The following SUCLG2 variants were observed in gnomAD, a reference collection of about 807,000 sequenced individuals.
SUCLG2 encodes the protein succinate-CoA ligase GDP-forming subunit beta, also known as succinate--CoA ligase [GDP-forming] subunit beta, mitochondrial.
SUCLG2 carries 42 observed loss-of-function variants against 47.9 expected under a neutral mutation model. The ratio of observed to expected loss-of-function variants is 0.88; its 90% CI spans 0.69 to 1.14. The LOEUF is 1.14. Among genes scored for constraint, SUCLG2 ranks in the 50% most tolerant of loss-of-function variants. SUCLG2 has a pLI of 0.00. For missense variants in SUCLG2, 571 were observed against 525.9 expected (o/e 1.09, Z -0.84); for synonymous variants, 195 against 197.3 (o/e 0.99, Z 0.10).
At chr3:67,477,054 A>G (rs1704781056) in intron 9 of SUCLG2, among the ~76,000 whole-genome samples, 2 of 152,054 alleles carry the variant, frequency 1.3e-5, no homozygotes, top group South Asian at 2.1e-4. Flanking sequence ...ATCTACAAAT[A>G]TATGTAAATT....
At chr3:67,393,799 G>A (rs1169551720) in intron 10 of SUCLG2, among the ~76,000 whole-genome samples, 2 of 152,116 alleles carry the variant, frequency 1.3e-5, no homozygotes, top group African/African-American at 2.4e-5. Flanking sequence ...CACCTCACAT[G>A]GCCGGGTACT....
Position 67,375,757 on chromosome 3 carries a change from A to T in SUCLG2, c.1286T>A (p.Val429Glu). 1 of 1,613,330 alleles carries T rather than the reference A, an allele frequency of 6.2e-7. No individual in the cohort carries two copies. The highest frequency in any genetic ancestry group is 8.5e-7 in the Non-Finnish European group (1 of 1,179,814). ...EDAAKKAVAS[V>E]AKK ...AGGACAAAGACATCACTTCTTGGCC[A>T]CACTGGCCACAGCCTTCTTGGCTGC... Residue 429 changes from valine to glutamate, a missense_variant, in exon 11 of 11, where the codon GTG (valine) becomes GAG (glutamate). Coordinates refer to ENST00000307227, the MANE Select transcript of SUCLG2 (RefSeq NM_003848.4).
intron 9 of SUCLG2, among the ~76,000 whole-genome samples, chr3:67,413,873 G>A (rs755250592): frequency 6.6e-6 from 1 of 152,134 alleles, no homozygotes; most frequent in Non-Finnish European, 1.5e-5. Flanking sequence ...GTTTGCAGAC[G>A]CCTACCTCAT....
intron 1 of SUCLG2, among the ~76,000 whole-genome samples, chr3:67,621,625 G>C (rs1700738591): frequency 6.6e-6 from 1 of 152,086 alleles, no homozygotes; most frequent in South Asian, 2.1e-4. Context: ...ATGGATTAAT[G>C]GGTTAATGGA....
At chr3:67,503,812 T>G (rs986580078) in intron 7 of SUCLG2, among the ~76,000 whole-genome samples, 3 of 152,236 alleles carry the variant, frequency 2.0e-5, no homozygotes, top group Non-Finnish European at 2.9e-5. Context: ...GTGGTACTTA[T>G]ATGCATAGGG....
intron 9 of SUCLG2, among the ~76,000 whole-genome samples, chr3:67,495,196 T>A (rs2107058436): frequency 6.6e-6 from 1 of 152,320 alleles, no homozygotes; most frequent in Non-Finnish European, 1.5e-5. Flanking sequence ...CACTTCTGTG[T>A]AAATTACCCA....
chr3:67,648,414 A>G (rs1420893490), intron 1 of SUCLG2, among the ~76,000 whole-genome samples: 1 of 152,228 alleles, frequency 6.6e-6, no homozygotes, highest in Admixed American at 6.5e-5. Context: ...GGGCAAAAAG[A>G]TGGGGAAAGG....
chr3:67,424,565 T>G (rs776541856), intron 9 of SUCLG2, among the ~76,000 whole-genome samples: 1 of 152,214 alleles, frequency 6.6e-6, no homozygotes, highest in African/African-American at 2.4e-5. Context: ...ACTAGCTCTG[T>G]GTCCTCTGGT....
intron 9 of SUCLG2, among the ~76,000 whole-genome samples, chr3:67,446,408 C>A (rs1575702135): frequency 1.6e-5 from 2 of 124,554 alleles, no homozygotes; most frequent in African/African-American, 3.0e-5. Context: ...TAAATATGTA[C>A]ATATGTACAT....
intron 10 of SUCLG2, among the ~76,000 whole-genome samples, chr3:67,380,357 A>AC (rs1559638306): frequency 6.6e-6 from 1 of 152,042 alleles, no homozygotes; most frequent in Non-Finnish European, 1.5e-5. Context: ...CCAGGCTAAC[A>AC]CTGGTGGACA....
chr3:67,615,347 A>T (rs1257562896), intron 1 of SUCLG2, among the ~76,000 whole-genome samples: 1 of 151,942 alleles, frequency 6.6e-6, no homozygotes, highest in Non-Finnish European at 1.5e-5. Context: ...TGGGGTGGGG[A>T]GGTGGGGGAA....
At chr3:67,501,250 T>C (rs1309136852) in intron 7 of SUCLG2, among the ~76,000 whole-genome samples, 4 of 152,172 alleles carry the variant, frequency 2.6e-5, no homozygotes, top group South Asian at 2.1e-4. Context: ...GAAAGGGGAT[T>C]CAAATTGAAC....
At chr3:67,578,221 T>A (rs7636059) in intron 2 of SUCLG2, among the ~76,000 whole-genome samples, 39,354 of 146,788 alleles carry the variant, frequency 0.27, 6,041 homozygotes, top group East Asian at 0.44. Context: ...TTATATATAT[T>A]TCATATATAA....
At chr3:67,413,201 T>C (rs920694862) in intron 9 of SUCLG2, among the ~76,000 whole-genome samples, 2 of 152,212 alleles carry the variant, frequency 1.3e-5, no homozygotes, top group East Asian at 1.9e-4. Context: ...TCTTGGGTCC[T>C]GTCCATTACA....
chr3:67,536,985 A>C lies in SUCLG2; in HGVS notation c.227-7799T>G, dbSNP rs144317476. ...GGACACTATTGGGAAAATAAATTTTATGTATCCAAATAATGAAACAATAAA... is the reference window on the plus strand; with the variant it reads ...GGACACTATTGGGAAAATAAATTTTCTGTATCCAAATAATGAAACAATAAA... On this transcript the variant is annotated intron_variant, in intron 2 of 10. Transcript: ENST00000307227. Among the ~76,000 whole-genome samples, 671 of 152,330 alleles carry C rather than the reference A, an allele frequency of 4.4e-3. 8 individuals carry two copies. In the East Asian group the frequency reaches 0.053, roughly 12 times the overall value.
intron 2 of SUCLG2, among the ~76,000 whole-genome samples, chr3:67,595,926 C>T (rs1708282676): frequency 1.3e-5 from 2 of 152,166 alleles, no homozygotes; most frequent in African/African-American, 4.8e-5. Flanking sequence ...AAAAGAATTG[C>T]ATAAAGGTAA....
At chr3:67,644,215 A>T (rs1382810330) in intron 1 of SUCLG2, among the ~76,000 whole-genome samples, 1 of 152,242 alleles carries the variant, frequency 6.6e-6, no homozygotes, top group Non-Finnish European at 1.5e-5. Flanking sequence ...CATAGCCAAA[A>T]AGGGAAAGCA....
intron 1 of SUCLG2, among the ~76,000 whole-genome samples, chr3:67,610,452 C>T (rs1475524672): frequency 6.6e-6 from 1 of 151,692 alleles, no homozygotes; most frequent in Non-Finnish European, 1.5e-5. Flanking sequence ...TACATTTTAT[C>T]CAATAATATC....
intron 2 of SUCLG2, among the ~76,000 whole-genome samples, chr3:67,548,736 T>C (rs1020017802): frequency 7.2e-5 from 11 of 152,190 alleles, no homozygotes; most frequent in Non-Finnish European, 1.6e-4. Flanking sequence ...AGCGAAAATA[T>C]TGACAATAGG....
Sources: gnomAD v4.1 joint callset for allele counts (sites outside exome capture counted in the v4.1 genomes callset) on GRCh38, gnomAD v4.1.1 for gene constraint, MANE v1.5 for transcripts, NCBI Gene and HGNC (gene_info 2026-07-23, HGNC 2026-07-21) for gene names.